The following RIMKLB variants were observed in gnomAD, a reference collection of about 807,000 sequenced individuals.
RIMKLB encodes beta-citrylglutamate synthase B.
RIMKLB carries 7 observed loss-of-function variants against 32.0 expected under a neutral mutation model. The ratio of observed to expected loss-of-function variants is 0.22; its 90% confidence interval spans 0.12 to 0.41. The LOEUF (loss-of-function observed/expected upper bound fraction) is 0.41, where lower values mean the gene tolerates loss of function less well. RIMKLB is among the 10% of genes least tolerant of loss of function. The probability of loss-of-function intolerance (pLI) is 1.00; values close to 1 mark genes in which losing one functional copy is unlikely to be tolerated. For missense variants in RIMKLB, 289 were observed against 498.7 expected (o/e 0.58, Z 4.00); for synonymous variants, 172 against 185.1 (o/e 0.93, Z 0.57).
chr12:8,779,105 G>A (rs1385971236), downstream of RIMKLB: 6 of 152,268 alleles, frequency 3.9e-5, no homozygotes, highest in East Asian at 1.2e-3. Flanking sequence ...AATAAAAAAA[G>A]GCTCATTCAG....
In RIMKLB at chr12:8,774,681, C is replaced by A; in HGVS notation, c.*897C>A. On this transcript the variant is annotated 3_prime_UTR_variant, in exon 6 of 6. Transcript: ENST00000535829. ...TGCTACCTTTTTTGTTAACAAGACA[C>A]TGACTTGAAACATGTACATTTAAAG... The A allele has an allele frequency of 8.1e-6, 8 of 985,052 alleles. No individual in the cohort carries two copies. Among genetic ancestry groups the A allele is most frequent in the Non-Finnish European group, 8.4e-6 (7 of 829,794 alleles). The allele number at this position is 985,052 out of a possible 1,614,324, so 61.0% of individuals were successfully genotyped here. A position where few individuals can be genotyped will look rare whatever the true frequency, so the allele number is the denominator to read the frequency against.
At chr12:8,721,348 C>T (rs1241521450) in intron 2 of RIMKLB, among the ~76,000 whole-genome samples, 1 of 152,198 alleles carries the variant, frequency 6.6e-6, no homozygotes, top group Non-Finnish European at 1.5e-5. Flanking sequence ...ACATTTTACC[C>T]ACCGAATTTC....
At chr12:8,729,354 C>T (rs762783320) in intron 2 of RIMKLB, among the ~76,000 whole-genome samples, 7 of 151,632 alleles carry the variant, frequency 4.6e-5, no homozygotes, top group South Asian at 2.1e-4. Flanking sequence ...GGGGATGGAG[C>T]GGGAAGGTAA....
chr12:8,752,030 G>A lies in RIMKLB; in HGVS notation c.480G>A (p.Thr160=), dbSNP rs750088977. Residue 160 remains threonine, a synonymous_variant, in exon 4 of 6, where the codon ACG becomes ACA. Coordinates refer to ENST00000535829, the MANE Select transcript of RIMKLB (RefSeq NM_001297776.2). ...VLEFPMVVKN[T]RGHRGKAVFL... is the part of the protein sequence containing the mutation. ...AGTTCCCAATGGTAGTAAAGAATAC[G>A]CGGGGTCACAGAGGTATGTATGAGT... 3.1e-5 allele frequency: 50 copies of A among 1,608,230 alleles called. No individual in the cohort carries two copies. Among genetic ancestry groups the A allele is most frequent in the Non-Finnish European group, 3.6e-5 (42 of 1,174,988 alleles).
At chr12:8,765,400 A>G (rs1013109397) in intron 5 of RIMKLB, among the ~76,000 whole-genome samples, 3 of 152,114 alleles carry the variant, frequency 2.0e-5, no homozygotes, top group African/African-American at 7.2e-5. Context: ...TCATCCTATC[A>G]TTGACCTGAC....
chr12:8,745,472 G>T (rs925286205), intron 2 of RIMKLB, among the ~76,000 whole-genome samples: 7 of 151,456 alleles, frequency 4.6e-5, no homozygotes, highest in Admixed American at 1.3e-4. Flanking sequence ...TTGGCTCACC[G>T]CAACCTCCGC....
In RIMKLB at chr12:8,730,686, G is replaced by A. The variant is rs746262909; in HGVS notation, c.175+16645G>A. ...CAACTTTGCATTGTGGAAAGGGTAG[G>A]GCAAGGGTGAATAAAATACCATCTT... On this transcript the variant is annotated intron_variant, in intron 2 of 5. Coordinates refer to ENST00000535829, the MANE Select transcript of RIMKLB (RefSeq NM_001297776.2). 2.6e-5 allele frequency among the ~76,000 whole-genome samples: 4 copies of A among 152,282 alleles called. No individual in the cohort carries two copies. In the East Asian group the frequency reaches 5.8e-4, roughly 22 times the overall value.
chr12:8,711,724 G>T (rs1392134056), intron 1 of RIMKLB, among the ~76,000 whole-genome samples: 3 of 151,712 alleles, frequency 2.0e-5, no homozygotes, highest in Non-Finnish European at 2.9e-5. Context: ...GGGAGCTGGG[G>T]ATATTCTACG....
chr12:8,704,939 A>G (rs1943718734), intron 1 of RIMKLB, among the ~76,000 whole-genome samples: 1 of 150,684 alleles, frequency 6.6e-6, no homozygotes, highest in African/African-American at 2.5e-5. Flanking sequence ...GCGTCACTGC[A>G]GGCTTGGTGC....
chr12:8,686,580 T>A (rs140193965), intron 1 of RIMKLB, among the ~76,000 whole-genome samples: 2,498 of 151,864 alleles, frequency 0.016, 67 homozygotes, highest in African/African-American at 0.056. Flanking sequence ...CCCGGATTCA[T>A]GCCATTCTCC....
At chr12:8,768,027 G>A (rs1193588937) in intron 5 of RIMKLB, among the ~76,000 whole-genome samples, 3 of 152,148 alleles carry the variant, frequency 2.0e-5, no homozygotes, top group African/African-American at 4.8e-5. Context: ...CCAATATGGC[G>A]GCAGGCCTCT....
chr12:8,776,422 CTT>C lies in RIMKLB; in HGVS notation c.*2639_*2640del, dbSNP rs1950729897. 1 of 944,572 alleles carries C rather than the reference CTT, an allele frequency of 1.1e-6. No individual in the cohort carries two copies. 58.5% of individuals were successfully genotyped at this position (944,572 alleles called of 1,614,324 possible). A position where few individuals can be genotyped will look rare whatever the true frequency, so the allele number is the denominator to read the frequency against. On this transcript the variant is annotated 3_prime_UTR_variant, in exon 6 of 6. Transcript: ENST00000535829. ...AACAGCAGCAGATATTTAGGTTAAACTTATTTTCATAATTGTTTAATAACTTT... is the reference window on the plus strand; with the variant it reads ...AACAGCAGCAGATATTTAGGTTAAACATTTTCATAATTGTTTAATAACTTT...
chr12:8,742,448 C>T, intron 2 of RIMKLB: 1 of 371,716 alleles, frequency 2.7e-6, no homozygotes, highest in South Asian at 2.1e-5. Flanking sequence ...CCTTTATGTC[C>T]TACAAAGAGC....
rs369444219 is a variant in RIMKLB, at chr12:8,713,833, A to G, written c.-34A>G. 2 of 1,612,378 alleles carry G rather than the reference A, an allele frequency of 1.2e-6. No individual in the cohort carries two copies. The highest frequency in any genetic ancestry group is 1.3e-5 in the African/African-American group (1 of 74,876). On this transcript the variant is annotated 5_prime_UTR_variant, in exon 2 of 6. Coordinates refer to ENST00000535829, the MANE Select transcript of RIMKLB (RefSeq NM_001297776.2). Reference sequence around the variant, plus strand: ...TAGGTAGACGTTACATCCAAGAGGAAATAATCCAGGCAAGGAAGCACAAGC... The same window carrying G: ...TAGGTAGACGTTACATCCAAGAGGAGATAATCCAGGCAAGGAAGCACAAGC...
At chr12:8,777,360 G>GTTTAATTTGAATCTTCTA (rs1367626692), downstream of RIMKLB, 249 of 984,260 alleles carry the variant, frequency 2.5e-4, 1 homozygote, top group Middle Eastern at 2.1e-3. Context: ...TAGTCTTCCA[G>GTTTAATTTGAATCTTCTA]GTTTAATTTG....
At chr12:8,707,571 A>G (rs1944005583) in intron 1 of RIMKLB, among the ~76,000 whole-genome samples, 2 of 152,172 alleles carry the variant, frequency 1.3e-5, no homozygotes, top group Admixed American at 6.5e-5. Flanking sequence ...ACCACTGGCC[A>G]CTGGTGATCA....
chr12:8,776,949 C>CT lies in RIMKLB; in HGVS notation c.*3167dup, dbSNP rs1366968123. On this transcript the variant is annotated 3_prime_UTR_variant, in exon 6 of 6. Transcript: ENST00000535829. The stretch of plus-strand genomic sequence containing the variant: ...AATCCCCAGTTTGGGGCTTGTGGGG[C>CT]TTAGAGACATTGTGAAATCAAATCT... 1.0e-6 allele frequency: 1 copy of CT among 985,784 alleles called. No homozygotes were observed. The highest frequency in any genetic ancestry group is 1.2e-6 in the Non-Finnish European group (1 of 829,902). 61.1% of individuals were successfully genotyped at this position (985,784 alleles called of 1,614,324 possible).
chr12:8,704,248 C>G (rs973040584), intron 1 of RIMKLB, among the ~76,000 whole-genome samples: 1 of 151,738 alleles, frequency 6.6e-6, no homozygotes, highest in Non-Finnish European at 1.5e-5. Context: ...CCGGGTGTGG[C>G]GGTGTGTGCT....
intron 1 of RIMKLB, among the ~76,000 whole-genome samples, chr12:8,707,259 T>C (rs1943967657): frequency 6.6e-6 from 1 of 152,176 alleles, no homozygotes; most frequent in Non-Finnish European, 1.5e-5. Flanking sequence ...TACAGGCCTC[T>C]GGACTTCAGC....
Sources: allele counts gnomAD v4.1 joint callset (sites outside exome capture counted in the v4.1 genomes callset), GRCh38; gene constraint gnomAD v4.1.1; transcripts MANE v1.5; gene names NCBI Gene and HGNC (gene_info 2026-07-23, HGNC 2026-07-21).